Variants in SHC4 observed in about 807,000 individuals in gnomAD.
The protein encoded by SHC4 is SHC adaptor protein 4.
Under a neutral mutation model 69.4 loss-of-function variants are expected in SHC4, and 41 were observed. That is an observed-to-expected ratio of 0.59 (90% CI 0.46 to 0.77). SHC4 has a LOEUF of 0.77. SHC4 is among the 30% of genes least tolerant of loss of function. SHC4 has a pLI of 0.00. For synonymous variants in SHC4, 318 were observed against 299.3 expected (o/e 1.06, Z -0.64); for missense variants, 777 against 783.8 (o/e 0.99, Z 0.10).
intron 5 of SHC4, among the ~76,000 whole-genome samples, chr15:48,871,209 G>A (rs556824977): frequency 1.3e-4 from 20 of 152,340 alleles, no homozygotes; most frequent in African/African-American, 4.8e-4. Context: ...TACATTCTGA[G>A]TAAGAACAAG....
intron 2 of SHC4, among the ~76,000 whole-genome samples, chr15:48,913,673 T>C (rs1281699433): frequency 6.6e-6 from 1 of 152,184 alleles, no homozygotes. Context: ...TCCTTCTCCC[T>C]GTGGAGTTTT....
chr15:48,962,753 G>C lies in SHC4; in HGVS notation c.263C>G (p.Pro88Arg), dbSNP rs755748524. The C allele has an allele frequency of 6.2e-7, 1 of 1,613,310 alleles. No homozygotes were observed. The highest frequency in any genetic ancestry group is 1.1e-5 in the South Asian group (1 of 91,084). The change falls in exon 1 of 12, where the codon CCC becomes CGC. Residue 88 changes from proline (P) to arginine (R), a missense_variant. Transcript: ENST00000332408. ...ESPTPLCTLI[P>R]RMASMKLANP... is the part of the protein sequence containing the mutation. ...GGCCAGCTTCATGCTTGCCATGCGG[G>C]GGATCAAGGTGCACAGTGGGGTGGG...
At chr15:48,902,115 AT>A (rs1180933012) in intron 2 of SHC4, among the ~76,000 whole-genome samples, 2 of 149,620 alleles carry the variant, frequency 1.3e-5, no homozygotes, top group African/African-American at 2.5e-5. Flanking sequence ...AGGTGGGAGG[AT>A]TGCTTGAGCC....
chr15:48,914,171 C>T (rs1215317325), intron 2 of SHC4, among the ~76,000 whole-genome samples: 1 of 152,218 alleles, frequency 6.6e-6, no homozygotes, highest in East Asian at 1.9e-4. Flanking sequence ...CGACATTGTG[C>T]GTTTTAAAGA....
At chr15:48,863,354 T>C (rs1344231568) in intron 6 of SHC4, among the ~76,000 whole-genome samples, 1 of 152,176 alleles carries the variant, frequency 6.6e-6, no homozygotes, top group South Asian at 2.1e-4. Context: ...ATCTTCATAA[T>C]GTTTTTTGCA....
intron 11 of SHC4, among the ~76,000 whole-genome samples, chr15:48,832,086 C>T (rs965790546): frequency 3.3e-5 from 5 of 152,226 alleles, no homozygotes; most frequent in Admixed American, 6.5e-5. Context: ...GCCTGGCCAA[C>T]ATGGCAAAAC....
At chr15:48,848,372 A>C (rs1899138549) in intron 9 of SHC4, among the ~76,000 whole-genome samples, 3 of 151,948 alleles carry the variant, frequency 2.0e-5, no homozygotes, top group Non-Finnish European at 4.4e-5. Context: ...ACACCATCTC[A>C]CCTCCTCAAG....
intron 1 of SHC4, among the ~76,000 whole-genome samples, chr15:48,953,517 C>T (rs1260846734): frequency 1.3e-5 from 2 of 152,162 alleles, no homozygotes; most frequent in African/African-American, 2.4e-5. Context: ...GCATCAAGGC[C>T]AGACAATGGG....
intron 3 of SHC4, among the ~76,000 whole-genome samples, chr15:48,886,192 G>A (rs1900032652): frequency 6.6e-6 from 1 of 152,106 alleles, no homozygotes; most frequent in South Asian, 2.1e-4. Flanking sequence ...GGGAGGCGGA[G>A]GTCACAGTGA....
intron 1 of SHC4, among the ~76,000 whole-genome samples, chr15:48,937,639 A>G (rs1901098844): frequency 6.7e-6 from 1 of 149,912 alleles, no homozygotes; most frequent in Admixed American, 6.7e-5. Context: ...GATATAAATA[A>G]TACACATATA....
chr15:48,849,455 T>C (rs930825836), intron 9 of SHC4, among the ~76,000 whole-genome samples: 1 of 152,236 alleles, frequency 6.6e-6, no homozygotes, highest in Non-Finnish European at 1.5e-5. Context: ...GTTTAAGGTG[T>C]GTCTTCCTGG....
At chr15:48,865,740 C>G (rs891741856) in intron 6 of SHC4, among the ~76,000 whole-genome samples, 1 of 152,128 alleles carries the variant, frequency 6.6e-6, no homozygotes, top group Non-Finnish European at 1.5e-5. Flanking sequence ...CCCTCACCTC[C>G]CATCCAGGAC....
intron 1 of SHC4, among the ~76,000 whole-genome samples, chr15:48,930,898 C>T (rs948293267): frequency 2.0e-5 from 3 of 152,194 alleles, no homozygotes; most frequent in African/African-American, 7.2e-5. Context: ...TCCTTTCACT[C>T]ATGCCTCAAC....
chr15:48,929,314 G>A (rs995350320), intron 1 of SHC4, among the ~76,000 whole-genome samples: 2 of 152,160 alleles, frequency 1.3e-5, no homozygotes, highest in African/African-American at 4.8e-5. Flanking sequence ...TCTCATTCAC[G>A]TATTAAATGC....
In SHC4 at chr15:48,963,113, A is replaced by G; in HGVS notation, c.-98T>C. On this transcript the variant is annotated 5_prime_UTR_variant, in exon 1 of 12. Transcript: ENST00000332408. ...ATCAGATACCTCAACGCCCGATGCA[A>G]CTCACAGCAGCCACCTCTCCAACTC... The G allele has an allele frequency of 7.8e-7, 1 of 1,283,614 alleles. No homozygotes were observed. Among genetic ancestry groups the G allele is most frequent in the Non-Finnish European group, 1.1e-6 (1 of 934,366 alleles). The allele number at this position is 1,283,614 out of a possible 1,614,324, so 79.5% of individuals were successfully genotyped here.
Position 48,917,319 on chromosome 15 carries a change from TTTG to T in SHC4, c.656+7557_656+7559del, listed in dbSNP as rs536034861. Among the ~76,000 whole-genome samples, 12 of 152,020 alleles carry T rather than the reference TTTG, an allele frequency of 7.9e-5. No individual in the cohort carries two copies. In the East Asian group the frequency reaches 2.3e-3, roughly 29 times the overall value. ...AGATTCCTGATTTAGGTCAGGTGTTTTTGTTGTTGTTATTGTTTTATTTTCTTT... is the reference window on the plus strand; with the variant it reads ...AGATTCCTGATTTAGGTCAGGTGTTTTTGTTGTTATTGTTTTATTTTCTTT... On this transcript the variant is annotated intron_variant, in intron 2 of 11. Coordinates refer to ENST00000332408, the MANE Select transcript of SHC4 (RefSeq NM_203349.4).
intron 11 of SHC4, 26 bp downstream of exon 11, chr15:48,834,743 A>T: frequency 2.5e-6 from 4 of 1,611,440 alleles, no homozygotes; most frequent in Non-Finnish European, 3.4e-6. Flanking sequence ...CATCCTGTGA[A>T]ACCTCTAATG....
chr15:48,941,195 A>G (rs928393303), intron 1 of SHC4, among the ~76,000 whole-genome samples: 8 of 152,208 alleles, frequency 5.3e-5, no homozygotes, highest in Admixed American at 4.6e-4. Flanking sequence ...TCAGAAGAGT[A>G]TAAGACAGCA....
intron 10 of SHC4, among the ~76,000 whole-genome samples, chr15:48,841,077 C>T (rs770520157): frequency 8.5e-5 from 13 of 152,136 alleles, no homozygotes; most frequent in Non-Finnish European, 1.3e-4. Flanking sequence ...GGCAAAGTTC[C>T]TTTGCTTGGA....
Sources: allele counts gnomAD v4.1 joint callset (sites outside exome capture counted in the v4.1 genomes callset), GRCh38; gene constraint gnomAD v4.1.1; transcripts MANE v1.5; gene names NCBI Gene and HGNC (gene_info 2026-07-23, HGNC 2026-07-21).